CSNK2A1: variants seen among roughly 807,000 people sequenced by gnomAD.
CSNK2A1 encodes the protein casein kinase II subunit alpha.
In CSNK2A1, 10 loss-of-function variants were observed where a neutral mutation model predicts 62.9. The observed-to-expected ratio is 0.16, with a 90% CI of 0.10 to 0.27. The LOEUF is 0.27. CSNK2A1 is among the 10% of genes least tolerant of loss of function. CSNK2A1 has a pLI of 1.00. For synonymous variants in CSNK2A1, 124 were observed against 167.8 expected, an observed-to-expected ratio of 0.74 and a Z score of 2.02; for missense variants, 160 against 492.0, an observed-to-expected ratio of 0.33 and a Z score of 6.38.
At position 543,700 on chromosome 20, in the gene CSNK2A1, C is replaced by A; in HGVS notation, c.-255G>T. ...TGGTGGAAGCGGCAGCGGCGGCGGC[C>A]GCTCTCCCCTCTGCTCACACAGACA... is the stretch of plus-strand genomic sequence containing the variant. On this transcript the variant is annotated 5_prime_UTR_variant, in exon 1 of 14. Coordinates refer to ENST00000217244, the MANE Select transcript of CSNK2A1 (RefSeq NM_177559.3). 5.0e-6 allele frequency: 2 copies of A among 398,422 alleles called. No individual in the cohort carries two copies. The highest frequency in any genetic ancestry group is 1.3e-3 in the Middle Eastern group (2 of 1,588). 24.7% of individuals were successfully genotyped at this position (398,422 alleles called of 1,614,324 possible). A position where few individuals can be genotyped will look rare whatever the true frequency, so the allele number is the denominator to read the frequency against.
chr20:490,850 A>G (rs1481514383), intron 9 of CSNK2A1, among the ~76,000 whole-genome samples: 3 of 150,010 alleles, frequency 2.0e-5, no homozygotes, highest in African/African-American at 7.4e-5. Flanking sequence ...CACTATGCTC[A>G]GCTAATATAC....
rs1360176169 is a variant in CSNK2A1, at chr20:539,135, ATTTG to A, written c.-227+4533_-227+4536del. 6 of 152,374 alleles carry A rather than the reference ATTTG, an allele frequency of 3.9e-5. No individual in the cohort carries two copies. The Middle Eastern group carries it at 0.01, about 259-fold the overall frequency. 9.4% of individuals were successfully genotyped at this position (152,374 alleles called of 1,614,324 possible). Reference sequence around the variant, plus strand: ...AAAATAAAACCAGCAAAACCCCTGTATTTGTTTTCCATTGTGTCATAACAAATTA... The same window carrying A: ...AAAATAAAACCAGCAAAACCCCTGTATTTTCCATTGTGTCATAACAAATTA... On this transcript the variant is annotated intron_variant, in intron 1 of 13. Coordinates refer to ENST00000217244, the MANE Select transcript of CSNK2A1 (RefSeq NM_177559.3).
chr20:531,756 G>A (rs2019217671), intron 1 of CSNK2A1, among the ~76,000 whole-genome samples: 1 of 152,138 alleles, frequency 6.6e-6, no homozygotes, highest in Non-Finnish European at 1.5e-5. Flanking sequence ...AGGAAGACAA[G>A]AAGACAATGT....
At chr20:520,517 CGA>C (rs1568548526) in intron 2 of CSNK2A1, among the ~76,000 whole-genome samples, 3 of 151,766 alleles carry the variant, frequency 2.0e-5, no homozygotes, top group African/African-American at 7.2e-5. Flanking sequence ...GTATTTTTTT[CGA>C]GATAGGGTCT....
rs455693 is a variant in CSNK2A1 at position 478,862 on chromosome 20, G to A, written c.*5099C>T. 0.31 allele frequency: 79,899 copies of A among 255,674 alleles called. 13,913 individuals are homozygous for A. The highest frequency in any genetic ancestry group is 0.68 in the East Asian group (4,002 of 5,916). 15.8% of individuals were successfully genotyped at this position (255,674 alleles called of 1,614,324 possible). A position where few individuals can be genotyped will look rare whatever the true frequency, so the allele number is the denominator to read the frequency against. ...GGATCACCTGAGCCTGGGAGGTTGAGGCTGCAGTGAGCTGTGATGGCGCTA... is the reference window on the plus strand; with the variant it reads ...GGATCACCTGAGCCTGGGAGGTTGAAGCTGCAGTGAGCTGTGATGGCGCTA... On this transcript the variant is annotated 3_prime_UTR_variant, in exon 14 of 14. Transcript: ENST00000217244.
chr20:514,831 A>T (rs2018796040), intron 2 of CSNK2A1, among the ~76,000 whole-genome samples: 1 of 152,174 alleles, frequency 6.6e-6, no homozygotes, highest in African/African-American at 2.4e-5. Flanking sequence ...CAGGAAGAAA[A>T]CACACAGCCT....
intron 9 of CSNK2A1, among the ~76,000 whole-genome samples, chr20:490,657 G>T (rs974788784): frequency 1.3e-5 from 2 of 149,916 alleles, no homozygotes; most frequent in Non-Finnish European, 1.5e-5. Context: ...ACTTGCCTTG[G>T]CCTTTCCAAG....
intron 7 of CSNK2A1, among the ~76,000 whole-genome samples, chr20:497,279 C>T (rs1007753512): frequency 1.4e-4 from 22 of 152,266 alleles, no homozygotes; most frequent in South Asian, 2.1e-4. Context: ...TCCCAAGTAG[C>T]TGGAATTACA....
intron 2 of CSNK2A1, among the ~76,000 whole-genome samples, chr20:524,876 G>A (rs1038224465): frequency 2.0e-5 from 3 of 152,074 alleles, no homozygotes; most frequent in African/African-American, 7.2e-5. Flanking sequence ...TGCACTTTGG[G>A]AGACTGAAGA....
intron 4 of CSNK2A1, chr20:500,954 A>T (rs1195196820): frequency 1.3e-5 from 2 of 151,984 alleles, no homozygotes; most frequent in Non-Finnish European, 2.9e-5. Context: ...TCTGCAGAGC[A>T]TATCTTAAAC....
intron 4 of CSNK2A1, chr20:502,595 C>T (rs2018494161): frequency 6.6e-6 from 1 of 152,166 alleles, no homozygotes; most frequent in Non-Finnish European, 1.5e-5. Flanking sequence ...TATACTTACA[C>T]CACCTACCCA....
intron 2 of CSNK2A1, among the ~76,000 whole-genome samples, chr20:513,593 C>T (rs184397683): frequency 2.6e-3 from 391 of 152,282 alleles, no homozygotes; most frequent in African/African-American, 8.7e-3. Context: ...CTCATTTCTC[C>T]CTGGAAACCA....
At chr20:513,892 C>G (rs145992997) in intron 2 of CSNK2A1, among the ~76,000 whole-genome samples, 1 of 152,186 alleles carries the variant, frequency 6.6e-6, no homozygotes, top group African/African-American at 2.4e-5. Context: ...CTTACTGTCA[C>G]GCATACCAAA....
At chr20:506,188 T>G (rs2018598812) in intron 3 of CSNK2A1, 1 of 152,260 alleles carries the variant, frequency 6.6e-6, no homozygotes, top group South Asian at 2.1e-4. Flanking sequence ...AGAATAATTT[T>G]TATATATTCT....
chr20:519,738 A>C (rs1488856728), intron 2 of CSNK2A1, among the ~76,000 whole-genome samples: 1 of 152,258 alleles, frequency 6.6e-6, no homozygotes, highest in African/African-American at 2.4e-5. Context: ...CTAAAGAAAA[A>C]AGAAAAATAA....
rs1209689584 is a variant in CSNK2A1, at chr20:492,575, T to C, written c.511-211A>G. 7.3e-6 allele frequency: 4 copies of C among 549,134 alleles called. No homozygotes were observed. In the East Asian group the frequency reaches 9.1e-5, roughly 12 times the overall value. 34.0% of individuals were successfully genotyped at this position (549,134 alleles called of 1,614,324 possible). A position where few individuals can be genotyped will look rare whatever the true frequency, so the allele number is the denominator to read the frequency against. ...TGTTCCTGGAAGACACAATCTCACC[T>C]GTGCTTTTACAAATTTCTTAAACTG... On this transcript the variant is annotated intron_variant, in intron 8 of 13. Transcript: ENST00000217244.
At chr20:543,486 G>A (rs921187601) in intron 1 of CSNK2A1, 186 bp downstream of exon 1, 22 of 386,948 alleles carry the variant, frequency 5.7e-5, no homozygotes, top group African/African-American at 3.3e-4. Flanking sequence ...CGCCCTGAGG[G>A]GTGGCCCCTG....
chr20:521,737 C>T (rs2122609718), intron 2 of CSNK2A1, among the ~76,000 whole-genome samples: 1 of 152,294 alleles, frequency 6.6e-6, no homozygotes, highest in East Asian at 1.9e-4. Context: ...CTGATTTGTG[C>T]AACAAAATGG....
At chr20:536,993 G>A (rs1322179324) in intron 1 of CSNK2A1, among the ~76,000 whole-genome samples, 1 of 152,090 alleles carries the variant, frequency 6.6e-6, no homozygotes, top group African/African-American at 2.4e-5. Context: ...ATTTTAAACA[G>A]GGTAGCTTTC....
Sources: gnomAD v4.1 joint callset for allele counts (sites outside exome capture counted in the v4.1 genomes callset) on GRCh38, gnomAD v4.1.1 for gene constraint, MANE v1.5 for transcripts, NCBI Gene and HGNC (gene_info 2026-07-23, HGNC 2026-07-21) for gene names.